Variants in TTC27 observed in about 807,000 individuals in gnomAD.
The protein encoded by TTC27 is tetratricopeptide repeat protein 27.
A neutral mutation model predicts 115.9 loss-of-function variants in TTC27; 79 were observed. The ratio of observed to expected loss-of-function variants is 0.68; its 90% CI spans 0.57 to 0.82. TTC27 has a LOEUF of 0.82. TTC27 is among the 40% of genes least tolerant of loss of function. TTC27 has a pLI of 0.00. For synonymous variants in TTC27, 401 were observed against 356.0 expected, an observed-to-expected ratio of 1.13 and a Z score of -1.42; for missense variants, 1,054 against 993.1, an observed-to-expected ratio of 1.06 and a Z score of -0.82.
At chr2:32,774,093 T>C (rs1226118817) in intron 13 of TTC27, among the ~76,000 whole-genome samples, 1 of 152,178 alleles carries the variant, frequency 6.6e-6, no homozygotes, top group Non-Finnish European at 1.5e-5. Flanking sequence ...CTCAATAACT[T>C]TGTATAGTAA....
At chr2:32,683,292 A>G (rs1666507815) in intron 9 of TTC27, among the ~76,000 whole-genome samples, 1 of 152,140 alleles carries the variant, frequency 6.6e-6, no homozygotes, top group African/African-American at 2.4e-5. Context: ...CCCGGCCAAT[A>G]GAAGTCTTAA....
intron 5 of TTC27, among the ~76,000 whole-genome samples, chr2:32,660,772 A>G (rs1665517700): frequency 6.6e-6 from 1 of 152,128 alleles, no homozygotes; most frequent in African/African-American, 2.4e-5. Flanking sequence ...CTTTAGTTTA[A>G]TTAGATCTCA....
At chr2:32,669,033 C>T (rs1036362777) in intron 7 of TTC27, among the ~76,000 whole-genome samples, 46 of 151,624 alleles carry the variant, frequency 3.0e-4, no homozygotes, top group Non-Finnish European at 5.4e-4. Flanking sequence ...GAGCTGAGAT[C>T]GTGCCACTGC....
In TTC27 at chr2:32,633,761, C is replaced by A. The variant is rs1664305919; in HGVS notation, c.267-115C>A. 4.1e-6 allele frequency: 5 copies of A among 1,234,138 alleles called. No individual in the cohort carries two copies. The Middle Eastern group carries it at 6.4e-4, about 157-fold the overall frequency. The allele number at this position is 1,234,138 out of a possible 1,614,324, so 76.4% of individuals were successfully genotyped here. A position where few individuals can be genotyped will look rare whatever the true frequency, so the allele number is the denominator to read the frequency against. On this transcript the variant is annotated intron_variant, in intron 2 of 19. Transcript: ENST00000317907. Reference sequence around the variant, plus strand: ...TTTTTTGGTAATACTCTAGGATAGTCTCAATAAATGTTGATAGATATTATT... The same window carrying A: ...TTTTTTGGTAATACTCTAGGATAGTATCAATAAATGTTGATAGATATTATT...
At chr2:32,763,854 T>G (rs1416656898) in intron 13 of TTC27, among the ~76,000 whole-genome samples, 1 of 152,168 alleles carries the variant, frequency 6.6e-6, no homozygotes, top group Non-Finnish European at 1.5e-5. Flanking sequence ...TTTCTGAGGT[T>G]TGCGGGATAG....
intron 11 of TTC27, 101 bp downstream of exon 11, chr2:32,734,024 ATTTTGC>A: frequency 2.5e-6 from 2 of 801,232 alleles, no homozygotes; most frequent in South Asian, 2.3e-5. Context: ...ATTTTCAAAT[ATTTTGC>A]TAAAGATAAT....
intron 16 of TTC27, among the ~76,000 whole-genome samples, chr2:32,796,499 A>G (rs769325618): frequency 1.3e-5 from 2 of 152,224 alleles, no homozygotes; most frequent in African/African-American, 2.4e-5. Flanking sequence ...AAAAGATTAT[A>G]AGAGAATATT....
chr2:32,711,889 G>A (rs1043739406), intron 10 of TTC27, among the ~76,000 whole-genome samples: 3 of 152,046 alleles, frequency 2.0e-5, no homozygotes, highest in Admixed American at 1.3e-4. Context: ...GCAGTGAGCC[G>A]AGATTGTGCC....
chr2:32,745,924 A>G (rs1558321757), intron 12 of TTC27, among the ~76,000 whole-genome samples: 1 of 152,160 alleles, frequency 6.6e-6, no homozygotes, highest in East Asian at 1.9e-4. Context: ...TAAATAGTGC[A>G]GGTTTCCCTG....
At chr2:32,806,652 C>T (rs1019912668) in intron 16 of TTC27, among the ~76,000 whole-genome samples, 1 of 151,950 alleles carries the variant, frequency 6.6e-6, no homozygotes, top group Non-Finnish European at 1.5e-5. Flanking sequence ...CATGGTGGCA[C>T]GCGCCTGTAG....
chr2:32,682,307 G>A (rs1666459116), intron 9 of TTC27, among the ~76,000 whole-genome samples: 1 of 152,078 alleles, frequency 6.6e-6, no homozygotes, highest in African/African-American at 2.4e-5. Context: ...TCCGTAAAAT[G>A]GGGGAAAGAG....
chr2:32,729,124 A>G (rs111592890), intron 10 of TTC27, among the ~76,000 whole-genome samples: 12 of 152,212 alleles, frequency 7.9e-5, no homozygotes, highest in Admixed American at 1.3e-4. Flanking sequence ...CAAAAAGCCA[A>G]TGAACACGTA....
At chr2:32,791,087 G>C (rs2148026281) in intron 16 of TTC27, among the ~76,000 whole-genome samples, 1 of 152,154 alleles carries the variant, frequency 6.6e-6, no homozygotes, top group African/African-American at 2.4e-5. Flanking sequence ...TTTATTTCTA[G>C]ATTATACATA....
chr2:32,639,092 A>T (rs111308947), intron 3 of TTC27, among the ~76,000 whole-genome samples: 46 of 152,206 alleles, frequency 3.0e-4, no homozygotes, highest in African/African-American at 1.0e-3. Flanking sequence ...TTGGCCTCCC[A>T]AAGTGCTGGG....
intron 9 of TTC27, among the ~76,000 whole-genome samples, chr2:32,683,397 C>G (rs1393874371): frequency 6.6e-6 from 1 of 152,180 alleles, no homozygotes; most frequent in African/African-American, 2.4e-5. Context: ...ATGAATGGCT[C>G]TTGGTCCTGA....
At chr2:32,734,202 C>G (rs1214492978) in intron 11 of TTC27, among the ~76,000 whole-genome samples, 1 of 150,860 alleles carries the variant, frequency 6.6e-6, no homozygotes, top group Non-Finnish European at 1.5e-5. Flanking sequence ...AAAGTAACTT[C>G]TTTTTTTTTA....
chr2:32,705,539 T>C (rs115727326), intron 10 of TTC27, among the ~76,000 whole-genome samples: 1 of 151,216 alleles, frequency 6.6e-6, no homozygotes, highest in Admixed American at 6.6e-5. Flanking sequence ...TTTAAAAAAA[T>C]GTATGTATTT....
rs114169801 is a variant in TTC27 at position 32,764,287 on chromosome 2, A to G, written c.1680+5768A>G. ...AGATTCAGTTCCAGGCCACCGCAGT[A>G]AAGCAAATATTGTAATAAAGCAAGT... is the stretch of plus-strand genomic sequence containing the variant. On this transcript the variant is annotated intron_variant, in intron 13 of 19. Transcript: ENST00000317907. Among the ~76,000 whole-genome samples the G allele has an allele frequency of 7.6e-3, 1,163 of 152,314 alleles. 13 individuals are homozygous for G. Among genetic ancestry groups the G allele is most frequent in the African/African-American group, 0.026 (1,094 of 41,566 alleles).
chr2:32,723,972 T>C (rs1668026027), intron 10 of TTC27, among the ~76,000 whole-genome samples: 1 of 85,802 alleles, frequency 1.2e-5, no homozygotes, highest in African/African-American at 6.8e-5. Context: ...ATACATAAGC[T>C]TTTTTTTTTT....
Sources: gnomAD v4.1 joint callset for allele counts (sites outside exome capture counted in the v4.1 genomes callset) on GRCh38, gnomAD v4.1.1 for gene constraint, MANE v1.5 for transcripts, NCBI Gene and HGNC (gene_info 2026-07-23, HGNC 2026-07-21) for gene names.